GABRG3: variants seen among roughly 807,000 people sequenced by gnomAD.
GABRG3 encodes gamma-aminobutyric acid receptor subunit gamma-3.
In GABRG3, 25 loss-of-function variants were observed where a neutral mutation model predicts 48.8. That is an observed-to-expected ratio of 0.51 (90% CI 0.37 to 0.72). The LOEUF (loss-of-function observed/expected upper bound fraction) is 0.72. GABRG3 is among the 30% of genes least tolerant of loss of function. The probability of loss-of-function intolerance (pLI) is 0.00; values close to 1 mark genes in which losing one functional copy is unlikely to be tolerated. For synonymous variants in GABRG3, 227 were observed against 217.6 expected (o/e 1.04, Z -0.38); for missense variants, 394 against 577.9 (o/e 0.68, Z 3.26).
At chr15:27,386,000 C>A (rs1419526714) in intron 5 of GABRG3, among the ~76,000 whole-genome samples, 5 of 152,120 alleles carry the variant, frequency 3.3e-5, no homozygotes, top group Non-Finnish European at 4.4e-5. Flanking sequence ...TGTGGCAACT[C>A]TGTATTCTGA....
chr15:27,126,522 C>T (rs1030166375), intron 3 of GABRG3, among the ~76,000 whole-genome samples: 2 of 152,172 alleles, frequency 1.3e-5, no homozygotes, highest in Non-Finnish European at 2.9e-5. Context: ...CTGTGGTGCG[C>T]CATGGCCAAC....
chr15:27,403,918 AAAAAAAAAAAC>A (rs1566825925), intron 5 of GABRG3, among the ~76,000 whole-genome samples: 4,865 of 141,986 alleles, frequency 0.034, 391 homozygotes, highest in African/African-American at 0.13. Flanking sequence ...AAAAAACAAA[AAAAAAAAAAAC>A]AAAAAAAAAA....
At chr15:27,389,295 G>A (rs1056190047) in intron 5 of GABRG3, among the ~76,000 whole-genome samples, 3 of 152,142 alleles carry the variant, frequency 2.0e-5, no homozygotes, top group Non-Finnish European at 4.4e-5. Flanking sequence ...AATATCCAGT[G>A]GTAAGTGTGT....
At chr15:27,345,492 T>C (rs571807220) in intron 5 of GABRG3, among the ~76,000 whole-genome samples, 2 of 152,376 alleles carry the variant, frequency 1.3e-5, no homozygotes, top group Admixed American at 6.5e-5. Flanking sequence ...TTTTATCCTG[T>C]ATCCTGCAAC....
intron 3 of GABRG3, among the ~76,000 whole-genome samples, chr15:27,213,263 C>T (rs2140436001): frequency 6.6e-6 from 1 of 152,334 alleles, no homozygotes; most frequent in Middle Eastern, 3.4e-3. Context: ...ATTTCAGCTT[C>T]TCTTCATGGT....
chr15:27,530,622 C>T, intron 9 of GABRG3: 2 of 471,094 alleles, frequency 4.2e-6, no homozygotes, highest in Non-Finnish European at 8.8e-6. Flanking sequence ...AGAAGCCATC[C>T]TGCTGCCCTG....
intron 3 of GABRG3, among the ~76,000 whole-genome samples, chr15:27,321,265 A>G (rs66560608): frequency 0.059 from 8,982 of 152,194 alleles, 393 homozygotes; most frequent in African/African-American, 0.12. Flanking sequence ...CTTTATGTAA[A>G]TCTAGCACAG....
At chr15:27,126,574 G>A (rs1288787446) in intron 3 of GABRG3, among the ~76,000 whole-genome samples, 1 of 152,184 alleles carries the variant, frequency 6.6e-6, no homozygotes, top group Non-Finnish European at 1.5e-5. Flanking sequence ...AGCGATGGGT[G>A]TCACTTCCAG....
chr15:27,019,922 G>A (rs1895857130), intron 2 of GABRG3, among the ~76,000 whole-genome samples: 1 of 152,166 alleles, frequency 6.6e-6, no homozygotes, highest in African/African-American at 2.4e-5. Flanking sequence ...TGCCTAGGGT[G>A]ATTTTTAAGC....
intron 3 of GABRG3, among the ~76,000 whole-genome samples, chr15:27,116,694 A>G (rs1308686596): frequency 6.6e-6 from 1 of 152,192 alleles, no homozygotes; most frequent in Admixed American, 6.5e-5. Flanking sequence ...GGGGGGCCTT[A>G]AGGAGGTGAT....
At chr15:27,178,427 C>T (rs558469915) in intron 3 of GABRG3, among the ~76,000 whole-genome samples, 8 of 152,276 alleles carry the variant, frequency 5.3e-5, no homozygotes, top group East Asian at 1.9e-4. Flanking sequence ...GTTCTCCAAA[C>T]GTGATAAGTA....
rs773019689 is a variant in GABRG3 at position 27,470,966 on chromosome 15, A to G, written c.575-9684A>G. 2.6e-5 allele frequency among the ~76,000 whole-genome samples: 4 copies of G among 151,952 alleles called. No individual in the cohort carries two copies. The South Asian group carries it at 8.3e-4, about 32-fold the overall frequency. The stretch of plus-strand genomic sequence containing the variant: ...GATCCATTTGGAATTGTAACTGCCC[A>G]GTGGGTTCATCTTGCCTGCATCCCA... On this transcript the variant is annotated intron_variant, in intron 5 of 9. Coordinates refer to ENST00000615808, the MANE Select transcript of GABRG3 (RefSeq NM_033223.5).
rs59391125 is a variant in GABRG3, at chr15:26,974,843, TTTATTATTATTA to T, written c.54-2123_54-2112del. ...CAGATGACACGAAATATTTTTTAAA[TTTATTATTATTA>T]TTATTATTATTATTATTATTATTAT... is the stretch of plus-strand genomic sequence containing the variant. On this transcript the variant is annotated intron_variant, in intron 1 of 9. Transcript: ENST00000615808. This position sits in a 1 kb window ranked among gnomAD's most constrained non-coding sequence, Gnocchi z 4.3. 0.037 allele frequency among the ~76,000 whole-genome samples: 5,225 copies of T among 140,834 alleles called. 192 individuals are homozygous for T. Among genetic ancestry groups the T allele is most frequent in the African/African-American group, 0.098 (3,748 of 38,388 alleles). 92.4% of individuals were successfully genotyped at this position (140,834 alleles called of 152,430 possible).
chr15:27,298,767 ATGG>A (rs1892090494), intron 3 of GABRG3, among the ~76,000 whole-genome samples: 1 of 151,896 alleles, frequency 6.6e-6, no homozygotes, highest in African/African-American at 2.4e-5. Context: ...TATATGTGCC[ATGG>A]TGGTTTGCTG....
chr15:27,132,472 T>G (rs12902255), intron 3 of GABRG3, among the ~76,000 whole-genome samples: 17,006 of 28,302 alleles, frequency 0.6, 4,833 homozygotes, highest in African/African-American at 0.71. Context: ...GTAGTTACAG[T>G]TTTTTTTTTT....
chr15:27,173,151 C>T (rs1269571059), intron 3 of GABRG3, among the ~76,000 whole-genome samples: 1 of 152,182 alleles, frequency 6.6e-6, no homozygotes, highest in African/African-American at 2.4e-5. Context: ...CTTAACACTC[C>T]ATTCTAAAAG....
At chr15:27,061,220 A>G (rs1358825715) in intron 3 of GABRG3, among the ~76,000 whole-genome samples, 1 of 152,214 alleles carries the variant, frequency 6.6e-6, no homozygotes, top group Admixed American at 6.5e-5. Context: ...TTTTACGACC[A>G]TGGCCGTGTT....
intron 6 of GABRG3, among the ~76,000 whole-genome samples, chr15:27,490,491 A>AATCTGAAG (rs1185503317): frequency 4.6e-5 from 7 of 152,190 alleles, no homozygotes; most frequent in Non-Finnish European, 1.0e-4. Context: ...GTCAACACAG[A>AATCTGAAG]ATCTGAAGAA....
chr15:27,371,411 C>A (rs1231355306), intron 5 of GABRG3, among the ~76,000 whole-genome samples: 1 of 152,172 alleles, frequency 6.6e-6, no homozygotes, highest in African/African-American at 2.4e-5. Flanking sequence ...TTCCTGATCA[C>A]ATTCTGTAAA....
Sources: allele counts gnomAD v4.1 joint callset (sites outside exome capture counted in the v4.1 genomes callset), GRCh38; gene constraint gnomAD v4.1.1; non-coding constraint Gnocchi (gnomAD v3.1); transcripts MANE v1.5; gene names NCBI Gene and HGNC (gene_info 2026-07-23, HGNC 2026-07-21).